ANKRD55: variants seen among roughly 807,000 people sequenced by gnomAD.
ANKRD55 encodes the protein ankyrin repeat domain 55.
In ANKRD55, 41 loss-of-function variants were observed where a neutral mutation model predicts 60.6. The observed-to-expected ratio is 0.68, with a 90% CI of 0.53 to 0.88. The LOEUF (loss-of-function observed/expected upper bound fraction) is 0.88, where lower values mean the gene tolerates loss of function less well. ANKRD55 is among the 40% of genes least tolerant of loss of function. The pLI is 0.00. For missense variants in ANKRD55, 732 were observed against 767.6 expected (o/e 0.95, Z 0.55); for synonymous variants, 264 against 290.3 (o/e 0.91, Z 0.92).
intron 7 of ANKRD55, among the ~76,000 whole-genome samples, chr5:56,132,487 A>G (rs1430978147): frequency 6.7e-6 from 1 of 148,982 alleles, no homozygotes; most frequent in Admixed American, 6.7e-5. Context: ...ACTACTCAGG[A>G]GGCTGAGGCA....
At chr5:56,201,726 T>C (rs890108347) in intron 2 of ANKRD55, among the ~76,000 whole-genome samples, 1 of 152,184 alleles carries the variant, frequency 6.6e-6, no homozygotes, top group African/African-American at 2.4e-5. Flanking sequence ...AGTGTGTTAA[T>C]TAGTGGGGTG....
chr5:56,116,466 T>C (rs1290209341), intron 9 of ANKRD55, 149 bp downstream of exon 9: 1 of 657,452 alleles, frequency 1.5e-6, no homozygotes, highest in African/African-American at 1.9e-5. Flanking sequence ...TAGAATCATT[T>C]AATGTCTTTA....
intron 9 of ANKRD55, among the ~76,000 whole-genome samples, chr5:56,113,894 C>T (rs1756810148): frequency 6.6e-6 from 1 of 151,716 alleles, no homozygotes; most frequent in Admixed American, 6.6e-5. Context: ...AAGTGATCCA[C>T]CCACCTTGGC....
chr5:56,218,305 A>G (rs911678343), intron 2 of ANKRD55, among the ~76,000 whole-genome samples: 1 of 152,232 alleles, frequency 6.6e-6, no homozygotes, highest in Admixed American at 6.5e-5. Flanking sequence ...GTAAAATGCT[A>G]TCAAACCATA....
intron 5 of ANKRD55, among the ~76,000 whole-genome samples, chr5:56,162,698 C>G (rs1458722455): frequency 3.4e-5 from 5 of 146,688 alleles, no homozygotes; most frequent in Non-Finnish European, 5.9e-5. Flanking sequence ...GAGACAAGCT[C>G]TCACTCTGTC....
At chr5:56,117,880 C>T (rs1304472245) in intron 8 of ANKRD55, among the ~76,000 whole-genome samples, 6 of 152,126 alleles carry the variant, frequency 3.9e-5, no homozygotes, top group Non-Finnish European at 5.9e-5. Flanking sequence ...CAGTGGCTCA[C>T]GCCTGTAATT....
chr5:56,204,935 A>ACT (rs2111863559), intron 2 of ANKRD55, among the ~76,000 whole-genome samples: 1 of 152,258 alleles, frequency 6.6e-6, no homozygotes, highest in East Asian at 1.9e-4. Context: ...TTAACTGCCA[A>ACT]CTCTGGAAAA....
intron 6 of ANKRD55, among the ~76,000 whole-genome samples, chr5:56,150,708 G>T (rs895782089): frequency 6.6e-6 from 1 of 152,126 alleles, no homozygotes; most frequent in Non-Finnish European, 1.5e-5. Flanking sequence ...GACCAGCCTG[G>T]CCAACATGGT....
At chr5:56,205,305 C>A (rs575905313) in intron 2 of ANKRD55, among the ~76,000 whole-genome samples, 3 of 152,342 alleles carry the variant, frequency 2.0e-5, no homozygotes, top group African/African-American at 7.2e-5. Flanking sequence ...AAGTGATCCA[C>A]CTGCCTCAGC....
chr5:56,130,100 A>T (rs1003099821), intron 7 of ANKRD55, among the ~76,000 whole-genome samples: 3 of 152,086 alleles, frequency 2.0e-5, no homozygotes, highest in Non-Finnish European at 4.4e-5. Context: ...GTTGGCCTGG[A>T]CTCCAGAGGC....
At chr5:56,117,511 T>C (rs1043167091) in intron 8 of ANKRD55, among the ~76,000 whole-genome samples, 3 of 152,210 alleles carry the variant, frequency 2.0e-5, no homozygotes, top group African/African-American at 2.4e-5. Flanking sequence ...TGGAGTGCAA[T>C]GGTGTGGTCT....
intron 6 of ANKRD55, 107 bp downstream of exon 6, chr5:56,159,726 C>T (rs753613861): frequency 2.3e-5 from 26 of 1,115,476 alleles, no homozygotes; most frequent in Non-Finnish European, 3.5e-5. Flanking sequence ...AGAACCATGC[C>T]TCATGTCTCC....
At chr5:56,146,262 A>G (rs551340257) in intron 6 of ANKRD55, among the ~76,000 whole-genome samples, 1 of 152,046 alleles carries the variant, frequency 6.6e-6, no homozygotes, top group African/African-American at 2.4e-5. Context: ...TATTAACGGA[A>G]CGAATGACTT....
intron 2 of ANKRD55, among the ~76,000 whole-genome samples, chr5:56,223,660 T>C (rs1358717070): frequency 6.6e-6 from 1 of 151,364 alleles, no homozygotes; most frequent in Non-Finnish European, 1.5e-5. Context: ...ACCAAGCAAA[T>C]GGAAAACAAA....
intron 2 of ANKRD55, among the ~76,000 whole-genome samples, chr5:56,209,547 A>T (rs374810759): frequency 6.6e-6 from 1 of 150,858 alleles, no homozygotes; most frequent in East Asian, 2.0e-4. Context: ...GCTCACTGCA[A>T]GCTCCGCCTC....
In ANKRD55 at chr5:56,185,593, G is replaced by A. The variant is rs966244127; in HGVS notation, c.59-1959C>T. 4.6e-5 allele frequency among the ~76,000 whole-genome samples: 7 copies of A among 151,998 alleles called. No homozygotes were observed. In the East Asian group the frequency reaches 7.7e-4, roughly 17 times the overall value. The stretch of plus-strand genomic sequence containing the variant: ...TGGGGCAGGAGAATTGCTTGAACCC[G>A]GGAGGTGGAGGTTGCGGTGAGCCCA... On this transcript the variant is annotated intron_variant, in intron 2 of 11. Transcript: ENST00000341048.
In ANKRD55 at chr5:56,112,504, C is replaced by CAAAAA. The variant is rs1187255213; in HGVS notation, c.966-727_966-723dup. On this transcript the variant is annotated intron_variant, in intron 9 of 11. Transcript: ENST00000341048. ...CAACATGGCAGGATCTCATCTCTAG[C>CAAAAA]AAAAAAAAAAAAAAAAAACAACCAA... 1.3e-3 allele frequency among the ~76,000 whole-genome samples: 33 copies of CAAAAA among 25,658 alleles called. 1 individual carries two copies. The highest frequency in any genetic ancestry group is 5.2e-3 in the African/African-American group (29 of 5,528). The allele number at this position is 25,658 out of a possible 152,430, so 16.8% of individuals were successfully genotyped here. A position where few individuals can be genotyped will look rare whatever the true frequency, so the allele number is the denominator to read the frequency against.
intron 2 of ANKRD55, chr5:56,192,591 G>A (rs566885444): frequency 1.9e-6 from 1 of 522,618 alleles, no homozygotes; most frequent in Non-Finnish European, 3.5e-6. Context: ...TTCCTCTATG[G>A]ATCGGCAATA....
At chr5:56,138,320 G>T (rs181578725) in intron 7 of ANKRD55, among the ~76,000 whole-genome samples, 59 of 152,064 alleles carry the variant, frequency 3.9e-4, no homozygotes, top group African/African-American at 1.3e-3. Context: ...TAGAGACAGG[G>T]ATTCACCATG....
Sources: allele counts gnomAD v4.1 joint callset (sites outside exome capture counted in the v4.1 genomes callset), GRCh38; gene constraint gnomAD v4.1.1; transcripts MANE v1.5; gene names NCBI Gene and HGNC (gene_info 2026-07-23, HGNC 2026-07-21).